PRKCE: variants seen among roughly 807,000 people sequenced by gnomAD.
PRKCE encodes the protein protein kinase C epsilon.
In PRKCE, 16 loss-of-function variants were observed where a neutral mutation model predicts 85.4. The ratio of observed to expected loss-of-function variants is 0.19; its 90% confidence interval spans 0.13 to 0.28. The LOEUF is 0.28. Among genes scored for constraint, PRKCE ranks in the 10% least tolerant of loss-of-function variants. The pLI is 1.00. For missense variants in PRKCE, 573 were observed against 975.2 expected, an observed-to-expected ratio of 0.59 and a Z score of 5.49; for synonymous variants, 388 against 371.5, an observed-to-expected ratio of 1.04 and a Z score of -0.51.
Position 45,876,696 on chromosome 2 carries a change from C to T in PRKCE, c.412+33633C>T, listed in dbSNP as rs531054372. ...CCTTTGCAGTCACTCTCTCTTATGC[C>T]TGGATAGCTATCTTGGCCAGATTGA... On this transcript the variant is annotated intron_variant, in intron 2 of 14. Transcript: ENST00000306156. Among the ~76,000 whole-genome samples the T allele has an allele frequency of 2.0e-5, 3 of 152,310 alleles. No individual in the cohort carries two copies. The South Asian group carries it at 6.2e-4, about 32-fold the overall frequency.
Position 45,652,091 on chromosome 2 carries a change from C to A in PRKCE, c.-10C>A. 1.3e-6 allele frequency: 2 copies of A among 1,528,368 alleles called. No individual in the cohort carries two copies. Among genetic ancestry groups the A allele is most frequent in the Non-Finnish European group, 1.8e-6 (2 of 1,133,156 alleles). The allele number at this position is 1,528,368 out of a possible 1,614,324, so 94.7% of individuals were successfully genotyped here. A position where few individuals can be genotyped will look rare whatever the true frequency, so the allele number is the denominator to read the frequency against. On this transcript the variant is annotated 5_prime_UTR_variant, in exon 1 of 15. Coordinates refer to ENST00000306156, the MANE Select transcript of PRKCE (RefSeq NM_005400.3). This position sits in a 1 kb window ranked among gnomAD's most constrained non-coding sequence, Gnocchi z 7.7. ...CGGAGTGACCCCGGCCCCCACTCCC[C>A]GCCCCGACCATGGTAGTGTTCAATG...
chr2:45,882,739 C>T (rs1425655187), intron 2 of PRKCE, among the ~76,000 whole-genome samples: 2 of 152,226 alleles, frequency 1.3e-5, no homozygotes, highest in Non-Finnish European at 2.9e-5. Flanking sequence ...AAGGAGCCTG[C>T]CTTAAGAGCT....
intron 1 of PRKCE, among the ~76,000 whole-genome samples, chr2:45,748,080 G>C (rs1683279007): frequency 6.6e-6 from 1 of 152,126 alleles, no homozygotes; most frequent in Non-Finnish European, 1.5e-5. Flanking sequence ...TCCTTATCAG[G>C]TATCTGATGT....
chr2:45,943,328 G>A (rs1700015642), intron 2 of PRKCE, among the ~76,000 whole-genome samples: 2 of 152,230 alleles, frequency 1.3e-5, no homozygotes, highest in Admixed American at 6.5e-5. Context: ...TAGAACCATA[G>A]CGTCTAAGCC....
At chr2:45,896,238 G>A (rs2103660144) in intron 2 of PRKCE, among the ~76,000 whole-genome samples, 1 of 152,300 alleles carries the variant, frequency 6.6e-6, no homozygotes, top group South Asian at 2.1e-4. Context: ...TGGACTCTTT[G>A]CTAAATTTTA....
chr2:45,728,044 G>A (rs896636176), intron 1 of PRKCE, among the ~76,000 whole-genome samples: 1 of 152,204 alleles, frequency 6.6e-6, no homozygotes, highest in Non-Finnish European at 1.5e-5. Context: ...ATGGTCTCTT[G>A]AGTAAACACC....
At chr2:46,027,524 C>T (rs1707205262) in intron 10 of PRKCE, among the ~76,000 whole-genome samples, 1 of 152,100 alleles carries the variant, frequency 6.6e-6, no homozygotes, top group Middle Eastern at 3.2e-3. Flanking sequence ...CTTTAAAATG[C>T]ATATGCATAT....
In PRKCE at chr2:45,786,553, C is replaced by T. The variant is rs1261609933; in HGVS notation, c.349-56447C>T. ...AACAAGACCTGAAGCAGACAGGCCC[C>T]ACTAACAGGAACAGGACAGGCCTTA... On this transcript the variant is annotated intron_variant, in intron 1 of 14. Coordinates refer to ENST00000306156, the MANE Select transcript of PRKCE (RefSeq NM_005400.3). This position sits in a 1 kb window ranked among gnomAD's most constrained non-coding sequence, Gnocchi z 5.3. Among the ~76,000 whole-genome samples the T allele has an allele frequency of 6.6e-6, 1 of 152,202 alleles. No homozygotes were observed. The highest frequency in any genetic ancestry group is 1.5e-5 in the Non-Finnish European group (1 of 68,038).
chr2:46,164,589 G>A (rs1348271310), intron 14 of PRKCE, among the ~76,000 whole-genome samples: 1 of 152,138 alleles, frequency 6.6e-6, no homozygotes, highest in African/African-American at 2.4e-5. Context: ...GTGACCCGGG[G>A]CGGGGGGTGC....
At chr2:45,904,291 C>T (rs13006656) in intron 2 of PRKCE, among the ~76,000 whole-genome samples, 29,027 of 151,956 alleles carry the variant, frequency 0.19, 3,430 homozygotes, top group South Asian at 0.31. Context: ...CGGTTGCGTG[C>T]GAACCGAGAA....
At chr2:46,082,163 C>T (rs796250131) in intron 10 of PRKCE, among the ~76,000 whole-genome samples, 8 of 152,182 alleles carry the variant, frequency 5.3e-5, no homozygotes, top group African/African-American at 1.9e-4. Flanking sequence ...GGCAAGGTCC[C>T]TCTACCTGGA....
At chr2:45,966,840 A>G (rs1701765534) in intron 2 of PRKCE, among the ~76,000 whole-genome samples, 1 of 152,100 alleles carries the variant, frequency 6.6e-6, no homozygotes, top group African/African-American at 2.4e-5. Context: ...GGGGGCCACA[A>G]GGGAGCATCG....
chr2:46,133,278 G>C (rs1447968721), intron 11 of PRKCE, among the ~76,000 whole-genome samples: 2 of 152,128 alleles, frequency 1.3e-5, no homozygotes, highest in Non-Finnish European at 2.9e-5. Context: ...GCTGGACTTG[G>C]AGCTACAAAT....
chr2:45,805,700 G>A (rs770917392), intron 1 of PRKCE, among the ~76,000 whole-genome samples: 1 of 151,570 alleles, frequency 6.6e-6, no homozygotes, highest in Non-Finnish European at 1.5e-5. Flanking sequence ...GGGTTAAAGT[G>A]ATTCTCCTGC....
rs892960304 is a variant in PRKCE, at chr2:46,139,443, G to A, written c.1593-5650G>A. On this transcript the variant is annotated intron_variant, in intron 11 of 14. Transcript: ENST00000306156. The surrounding 1 kb of genome is among the most constrained non-coding windows in gnomAD (Gnocchi z 5.2). ...AATTTAAAATATAAAATAATAGCCTGGATTATTTTGAAGTGGATTCCATTG... is the reference window on the plus strand; with the variant it reads ...AATTTAAAATATAAAATAATAGCCTAGATTATTTTGAAGTGGATTCCATTG... Among the ~76,000 whole-genome samples, 2 of 151,920 alleles carry A rather than the reference G, an allele frequency of 1.3e-5. No individual in the cohort carries two copies. Among genetic ancestry groups the A allele is most frequent in the African/African-American group, 4.8e-5 (2 of 41,354 alleles).
At chr2:45,784,960 T>C (rs981735579) in intron 1 of PRKCE, among the ~76,000 whole-genome samples, 5 of 152,208 alleles carry the variant, frequency 3.3e-5, no homozygotes, top group African/African-American at 1.2e-4. Flanking sequence ...TAAAGGTATT[T>C]CTTATCCTTT....
intron 14 of PRKCE, among the ~76,000 whole-genome samples, chr2:46,173,245 G>GA (rs1679097433): frequency 6.6e-6 from 1 of 152,208 alleles, no homozygotes; most frequent in South Asian, 2.1e-4. Context: ...AGTTTTATCG[G>GA]AACACAGCCA....
At position 45,838,551 on chromosome 2, in the gene PRKCE, C is replaced by G. The variant is rs537125521; in HGVS notation, c.349-4449C>G. Among the ~76,000 whole-genome samples the G allele has an allele frequency of 2.0e-5, 3 of 152,216 alleles. No homozygotes were observed. In the East Asian group the frequency reaches 5.8e-4, roughly 29 times the overall value. ...ATACCCTGGGTATAGCCCTTCCTGC[C>G]CCGGGTTTCCCCCAGAAAGGGTGCA... is the stretch of plus-strand genomic sequence containing the variant. On this transcript the variant is annotated intron_variant, in intron 1 of 14. Coordinates refer to ENST00000306156, the MANE Select transcript of PRKCE (RefSeq NM_005400.3).
Position 45,735,226 on chromosome 2 carries a change from T to C in PRKCE, c.348+82778T>C, listed in dbSNP as rs1038128470. 3.3e-5 allele frequency among the ~76,000 whole-genome samples: 5 copies of C among 152,336 alleles called. 1 individual carries two copies. Among genetic ancestry groups the C allele is most frequent in the Admixed American group, 6.5e-5 (1 of 15,304 alleles). ...TTCCACGCATGGCAAGTCTGCCATA[T>C]CTCCCACCACTAGAGGTTTCCAGCT... On this transcript the variant is annotated intron_variant, in intron 1 of 14. Transcript: ENST00000306156.
Sources: gnomAD v4.1 joint callset for allele counts (sites outside exome capture counted in the v4.1 genomes callset) on GRCh38, gnomAD v4.1.1 for gene constraint, Gnocchi (gnomAD v3.1) non-coding constraint, MANE v1.5 for transcripts, NCBI Gene and HGNC (gene_info 2026-07-23, HGNC 2026-07-21) for gene names.